The following CALN1 variants were observed in gnomAD, a reference collection of about 807,000 sequenced individuals.
CALN1 encodes the protein calneuron 1, also known as calcium-binding protein 8.
Under a neutral mutation model 30.6 loss-of-function variants are expected in CALN1, and 17 were observed. The ratio of observed to expected loss-of-function variants is 0.56; its 90% CI spans 0.38 to 0.83. The LOEUF is 0.83. Ranked by LOEUF, CALN1 falls within the 40% of genes least tolerant of loss-of-function variation. The pLI, the probability that CALN1 is intolerant of heterozygous loss-of-function variation, is 0.00. For synonymous variants in CALN1, 156 were observed against 131.4 expected (o/e 1.19, Z -1.28); for missense variants, 291 against 354.9 (o/e 0.82, Z 1.45).
At chr7:72,313,446 G>A (rs1800203774) in intron 2 of CALN1, among the ~76,000 whole-genome samples, 3 of 152,068 alleles carry the variant, frequency 2.0e-5, no homozygotes. Context: ...GGCTGAAGTG[G>A]AGTGATACAA....
chr7:72,133,217 G>A (rs2867603), intron 3 of CALN1, among the ~76,000 whole-genome samples: 120,979 of 152,126 alleles, frequency 0.8, 49,099 homozygotes, highest in East Asian at 0.96. Flanking sequence ...TCCTAATGAC[G>A]CGAGAAATGT....
chr7:72,503,509 C>T, the CALN1 span, among the ~76,000 whole-genome samples: 1 of 152,160 alleles, frequency 6.6e-6, no homozygotes, highest in African/African-American at 2.4e-5. Context: ...TTCCGGGGTT[C>T]GGACATGCAG....
intron 2 of CALN1, among the ~76,000 whole-genome samples, chr7:72,305,233 G>A (rs557705384): frequency 6.0e-4 from 92 of 152,148 alleles, no homozygotes; most frequent in Non-Finnish European, 1.1e-3. Context: ...TTAGATGAAC[G>A]CTCCTGCTGG....
chr7:72,308,528 T>C (rs1243123636), intron 2 of CALN1, among the ~76,000 whole-genome samples: 3 of 152,152 alleles, frequency 2.0e-5, no homozygotes, highest in Non-Finnish European at 4.4e-5. Flanking sequence ...AAATGTTTGC[T>C]GAATGCACGA....
intron 5 of CALN1, among the ~76,000 whole-genome samples, chr7:71,986,162 G>C (rs576982389): frequency 4.0e-5 from 6 of 151,888 alleles, no homozygotes; most frequent in African/African-American, 1.2e-4. Flanking sequence ...ATTCTCCTGC[G>C]TCAGCCTCCC....
At chr7:71,788,950 GC>G (rs1793153482) in intron 6 of CALN1, among the ~76,000 whole-genome samples, 1 of 151,926 alleles carries the variant, frequency 6.6e-6, no homozygotes, top group African/African-American at 2.4e-5. Context: ...GAGCCACTGC[GC>G]CTGGCCGACT....
intron 3 of CALN1, among the ~76,000 whole-genome samples, chr7:72,124,444 A>G (rs1808601341): frequency 6.6e-6 from 1 of 152,150 alleles, no homozygotes; most frequent in Admixed American, 6.5e-5. Context: ...GTTTGAGACC[A>G]GCTTGGGTAA....
At chr7:71,895,920 G>A (rs1723663108) in intron 5 of CALN1, among the ~76,000 whole-genome samples, 1 of 152,128 alleles carries the variant, frequency 6.6e-6, no homozygotes, top group Admixed American at 6.6e-5. Context: ...ACTAATAGGA[G>A]GGAGGCTCCA....
At chr7:71,904,751 T>A (rs965684235) in intron 5 of CALN1, among the ~76,000 whole-genome samples, 2 of 152,246 alleles carry the variant, frequency 1.3e-5, no homozygotes, top group African/African-American at 4.8e-5. Flanking sequence ...TAGCTACATT[T>A]AATTTATCCC....
intron 3 of CALN1, among the ~76,000 whole-genome samples, chr7:72,159,440 C>T (rs963393647): frequency 2.6e-5 from 4 of 152,004 alleles, no homozygotes; most frequent in Non-Finnish European, 5.9e-5. Context: ...GCTGAGGCTG[C>T]AGAGAACTAT....
intron 4 of CALN1, among the ~76,000 whole-genome samples, chr7:72,040,428 T>C (rs1422846051): frequency 3.3e-5 from 5 of 152,106 alleles, no homozygotes; most frequent in Non-Finnish European, 5.9e-5. Flanking sequence ...GTGGCTGTAG[T>C]GGGCTATGAT....
At chr7:72,220,033 A>G (rs764776636) in intron 3 of CALN1, among the ~76,000 whole-genome samples, 2 of 150,006 alleles carry the variant, frequency 1.3e-5, no homozygotes. Flanking sequence ...TTTTTTTTAT[A>G]ATTTTTTTTG....
At chr7:72,435,211 G>A (rs1361019852) in intron 1 of CALN1, among the ~76,000 whole-genome samples, 1 of 151,360 alleles carries the variant, frequency 6.6e-6, no homozygotes, top group Non-Finnish European at 1.5e-5. Flanking sequence ...CTCCAGCCTG[G>A]GCAACAGAGC....
intron 2 of CALN1, among the ~76,000 whole-genome samples, chr7:72,349,614 G>A (rs1802821122): frequency 6.6e-6 from 1 of 152,262 alleles, no homozygotes; most frequent in Non-Finnish European, 1.5e-5. Flanking sequence ...CATTTTTAAT[G>A]TGCTGAAATT....
the CALN1 span, among the ~76,000 whole-genome samples, chr7:72,454,311 A>C: frequency 6.6e-6 from 1 of 152,100 alleles, no homozygotes; most frequent in Non-Finnish European, 1.5e-5. Flanking sequence ...CACTGGGAGG[A>C]GGGAGACCAT....
intron 2 of CALN1, among the ~76,000 whole-genome samples, chr7:72,345,500 A>G (rs960574342): frequency 2.9e-5 from 4 of 136,262 alleles, no homozygotes; most frequent in African/African-American, 1.1e-4. Flanking sequence ...AGAGAGGGAG[A>G]GAGGAAGGGA....
At chr7:71,856,605 A>G (rs1428978516) in intron 5 of CALN1, among the ~76,000 whole-genome samples, 3 of 152,148 alleles carry the variant, frequency 2.0e-5, no homozygotes, top group African/African-American at 7.2e-5. Context: ...TTCATTTTCC[A>G]CTGTTCTGTA....
chr7:72,448,900 C>T (rs1048913987), upstream of CALN1, among the ~76,000 whole-genome samples: 1 of 152,148 alleles, frequency 6.6e-6, no homozygotes, highest in African/African-American at 2.4e-5. Flanking sequence ...CCACCGCACC[C>T]GGCCGCATGA....
intron 5 of CALN1, among the ~76,000 whole-genome samples, chr7:71,818,416 G>A (rs571585337): frequency 1.8e-4 from 28 of 152,284 alleles, no homozygotes; most frequent in African/African-American, 6.7e-4. Flanking sequence ...CTGAGGCTTC[G>A]AGTAGCCAGG....
Sources: allele counts gnomAD v4.1 joint callset (sites outside exome capture counted in the v4.1 genomes callset), GRCh38; gene constraint gnomAD v4.1.1; transcripts MANE v1.5; gene names NCBI Gene and HGNC (gene_info 2026-07-23, HGNC 2026-07-21).